The following CWF19L2 variants were observed in gnomAD, a reference collection of about 807,000 sequenced individuals.
The protein encoded by CWF19L2 is CWF19-like protein 2.
Under a neutral mutation model 111.7 loss-of-function variants are expected in CWF19L2, and 98 were observed. The observed-to-expected ratio is 0.88, with a 90% CI of 0.75 to 1.04. CWF19L2 has a LOEUF of 1.04. Ranked by LOEUF, CWF19L2 falls within the 50% of genes least tolerant of loss-of-function variation. CWF19L2 has a pLI of 0.00. For synonymous variants in CWF19L2, 351 were observed against 342.9 expected, an observed-to-expected ratio of 1.02 and a Z score of -0.26; for missense variants, 1,101 against 1,051.4, an observed-to-expected ratio of 1.05 and a Z score of -0.65.
chr11:107,397,113 G>T (rs757923238), intron 10 of CWF19L2, among the ~76,000 whole-genome samples: 8 of 152,168 alleles, frequency 5.3e-5, no homozygotes, highest in Non-Finnish European at 1.0e-4. Flanking sequence ...ACAGGGAAAA[G>T]GAATTATCTA....
At chr11:107,445,573 CA>C in intron 3 of CWF19L2, among the ~76,000 whole-genome samples, 1 of 149,270 alleles carries the variant, frequency 6.7e-6, no homozygotes, top group African/African-American at 2.5e-5. Flanking sequence ...CATTGCACTC[CA>C]GCCTGGGGGA....
chr11:107,403,636 T>C (rs1861038405), intron 10 of CWF19L2: 2 of 775,948 alleles, frequency 2.6e-6, no homozygotes. Flanking sequence ...TCTCCTCGTC[T>C]TTCTTCTCCT....
chr11:107,374,068 G>T lies in CWF19L2; in HGVS notation c.1872+16006C>A, dbSNP rs1388315007. Among the ~76,000 whole-genome samples, 2 of 136,556 alleles carry T rather than the reference G, an allele frequency of 1.5e-5. 1 individual carries two copies. Among genetic ancestry groups the T allele is most frequent in the African/African-American group, 5.9e-5 (2 of 33,666 alleles). The allele number at this position is 136,556 out of a possible 152,430, so 89.6% of individuals were successfully genotyped here. On this transcript the variant is annotated intron_variant, in intron 12 of 17. Coordinates refer to ENST00000282251, the MANE Select transcript of CWF19L2 (RefSeq NM_152434.3). Reference sequence around the variant, plus strand: ...AATGAAACGAGAAGGGAAGTTTAGAGAAAAAAGAATAAAAAGAAATGAGCA... The same window carrying T: ...AATGAAACGAGAAGGGAAGTTTAGATAAAAAAGAATAAAAAGAAATGAGCA...
At chr11:107,389,605 A>G (rs1229507262) in intron 12 of CWF19L2, among the ~76,000 whole-genome samples, 1 of 152,192 alleles carries the variant, frequency 6.6e-6, no homozygotes, top group African/African-American at 2.4e-5. Context: ...TGTTAAAATA[A>G]TATATATTTT....
intron 3 of CWF19L2, 102 bp from the exon 4 acceptor site, chr11:107,443,151 T>A (rs1037121350): frequency 2.6e-6 from 2 of 780,178 alleles, no homozygotes; most frequent in Non-Finnish European, 4.3e-6. Flanking sequence ...TAGAAAAAAA[T>A]TCTTACACTG....
At chr11:107,386,172 C>T (rs1860763477) in intron 12 of CWF19L2, among the ~76,000 whole-genome samples, 1 of 152,132 alleles carries the variant, frequency 6.6e-6, no homozygotes, top group Admixed American at 6.5e-5. Context: ...TACCACCATA[C>T]CCAGCTGATT....
At chr11:107,414,091 A>G (rs1052729845) in intron 10 of CWF19L2, among the ~76,000 whole-genome samples, 3 of 152,220 alleles carry the variant, frequency 2.0e-5, no homozygotes, top group Non-Finnish European at 2.9e-5. Context: ...CTTGATCTAT[A>G]AAACTGTAAT....
At chr11:107,386,632 G>A (rs912513313) in intron 12 of CWF19L2, among the ~76,000 whole-genome samples, 13 of 152,100 alleles carry the variant, frequency 8.5e-5, no homozygotes, top group African/African-American at 2.4e-4. Context: ...CACACCCTTG[G>A]TTTTCCTTCT....
intron 13 of CWF19L2, among the ~76,000 whole-genome samples, chr11:107,351,339 G>A (rs1860153613): frequency 6.6e-6 from 1 of 152,120 alleles, no homozygotes; most frequent in Non-Finnish European, 1.5e-5. Context: ...GCAACTGGAG[G>A]ATGAAAGTGA....
At chr11:107,418,770 T>G (rs142573540) in intron 8 of CWF19L2, among the ~76,000 whole-genome samples, 544 of 152,264 alleles carry the variant, frequency 3.6e-3, no homozygotes, top group African/African-American at 0.012. Context: ...ACATAACATA[T>G]AGTCAAATAA....
Position 107,388,887 on chromosome 11 carries a change from A to T in CWF19L2, c.1872+1187T>A, listed in dbSNP as rs530248931. Among the ~76,000 whole-genome samples the T allele has an allele frequency of 1.5e-3, 231 of 152,268 alleles. 1 individual carries two copies. Among genetic ancestry groups the T allele is most frequent in the Non-Finnish European group, 7.8e-4 (53 of 68,008 alleles). On this transcript the variant is annotated intron_variant, in intron 12 of 17. Transcript: ENST00000282251. Reference sequence around the variant, plus strand: ...TAGGAAATTTCTGGCATTTTTTCCAAAATAAACAGAGGTAAAATTATCTTA... The same window carrying T: ...TAGGAAATTTCTGGCATTTTTTCCATAATAAACAGAGGTAAAATTATCTTA...
At chr11:107,455,889 G>C (rs2135433693) in intron 1 of CWF19L2, 113 bp from the exon 2 acceptor site, 3 of 606,928 alleles carry the variant, frequency 4.9e-6, no homozygotes, top group Non-Finnish European at 8.8e-6. Flanking sequence ...ACTCATGAAT[G>C]AATGTCTATT....
At chr11:107,436,980 T>C (rs1861549946) in intron 6 of CWF19L2, among the ~76,000 whole-genome samples, 1 of 152,202 alleles carries the variant, frequency 6.6e-6, no homozygotes, top group Non-Finnish European at 1.5e-5. Context: ...ATTACTAAAA[T>C]ATGACAAAAT....
At chr11:107,395,485 CTA>C (rs1860909341) in intron 10 of CWF19L2, among the ~76,000 whole-genome samples, 1 of 152,092 alleles carries the variant, frequency 6.6e-6, no homozygotes, top group Admixed American at 6.6e-5. Context: ...TTTCATTTTT[CTA>C]TGATTATTTT....
intron 1 of CWF19L2, 97 bp downstream of exon 1, chr11:107,457,615 T>C (rs771027350): frequency 1.6e-5 from 14 of 850,832 alleles, no homozygotes; most frequent in Non-Finnish European, 2.5e-5. Flanking sequence ...TGAGATTCAG[T>C]ACTGACGAGG....
chr11:107,442,933 G>C lies in CWF19L2; in HGVS notation c.450+6C>G. On this transcript the variant is annotated splice_donor_region_variant and intron_variant, in intron 4 of 17. Transcript: ENST00000282251. ...GCAAGGAAGGAAAATCAAGTGGCTT[G>C]CTTACCTTGATAATTTGGGTGTCAT... 1 of 1,511,820 alleles carries C rather than the reference G, an allele frequency of 6.6e-7. No homozygotes were observed. Among genetic ancestry groups the C allele is most frequent in the Non-Finnish European group, 9.0e-7 (1 of 1,110,604 alleles). 93.7% of individuals were successfully genotyped at this position (1,511,820 alleles called of 1,614,324 possible).
intron 3 of CWF19L2, among the ~76,000 whole-genome samples, chr11:107,444,090 CCCACCCTTT>C (rs984315327): frequency 4.0e-5 from 6 of 148,232 alleles, no homozygotes; most frequent in African/African-American, 1.5e-4. Flanking sequence ...TCAAGCATTT[CCCACCCTTT>C]TTTTTTTTTT....
Position 107,392,809 on chromosome 11 carries a change from T to A in CWF19L2, c.1704A>T (p.Glu568Asp), listed in dbSNP as rs1454571742. 2 of 1,595,012 alleles carry A rather than the reference T, an allele frequency of 1.3e-6. No individual in the cohort carries two copies. Among genetic ancestry groups the A allele is most frequent in the Admixed American group, 3.6e-5 (2 of 55,962 alleles). The change falls in exon 11 of 18, where the codon GAA becomes GAT. Residue 568 changes from glutamate to aspartate, a missense_variant. Glu to Asp is a conservative substitution (Grantham distance 45). Coordinates refer to ENST00000282251, the MANE Select transcript of CWF19L2 (RefSeq NM_152434.3). ...WPVNTPGKSLESQGGRRKRQM... is the reference protein window; with the variant it reads ...WPVNTPGKSLDSQGGRRKRQM... Reference sequence around the variant, plus strand: ...GTCTCTTTCTTCTTCCTCCTTGTGATTCCAGAGATTTTCCGGGTGTGTTCA... The same window carrying A: ...GTCTCTTTCTTCTTCCTCCTTGTGAATCCAGAGATTTTCCGGGTGTGTTCA...
At position 107,331,775 on chromosome 11, in the gene CWF19L2, CA is replaced by C. The variant is rs1859852835; in HGVS notation, c.2440-1757del. Among the ~76,000 whole-genome samples the C allele has an allele frequency of 3.3e-5, 5 of 152,336 alleles. No homozygotes were observed. In the South Asian group the frequency reaches 1.0e-3, roughly 32 times the overall value. On this transcript the variant is annotated intron_variant, in intron 16 of 17. Transcript: ENST00000282251. ...CTATGGCATATTTGCCAAGACGGCA[CA>C]ATGAACACACTACTACTTTCACACA... is the stretch of plus-strand genomic sequence containing the variant.
Sources: gnomAD v4.1 joint callset for allele counts (sites outside exome capture counted in the v4.1 genomes callset) on GRCh38, gnomAD v4.1.1 for gene constraint, MANE v1.5 for transcripts, NCBI Gene and HGNC (gene_info 2026-07-23, HGNC 2026-07-21) for gene names.